Variants in NKAIN2 observed in about 807,000 individuals in gnomAD.
The protein encoded by NKAIN2 is sodium/potassium-transporting ATPase subunit beta-1-interacting protein 2.
In NKAIN2, 14 loss-of-function variants were observed where a neutral mutation model predicts 32.6. That is an observed-to-expected ratio of 0.43 (90% confidence interval 0.28 to 0.67). The LOEUF (loss-of-function observed/expected upper bound fraction) is 0.67, where lower values mean the gene tolerates loss of function less well. NKAIN2 is among the 30% of genes least tolerant of loss of function. The pLI, the probability that NKAIN2 is intolerant of heterozygous loss-of-function variation, is 0.17. For synonymous variants in NKAIN2, 80 were observed against 87.2 expected (o/e 0.92, Z 0.46); for missense variants, 198 against 258.3 (o/e 0.77, Z 1.60).
chr6:124,774,864 A>G (rs1023116182), intron 4 of NKAIN2, among the ~76,000 whole-genome samples: 1 of 151,784 alleles, frequency 6.6e-6, no homozygotes, highest in African/African-American at 2.4e-5. Flanking sequence ...CTCAAAAAAA[A>G]AAAAAAAAAA....
intron 3 of NKAIN2, among the ~76,000 whole-genome samples, chr6:124,489,844 G>A (rs1777792941): frequency 6.6e-6 from 1 of 151,732 alleles, no homozygotes; most frequent in South Asian, 2.1e-4. Flanking sequence ...ATATAATTGT[G>A]ATTACTCTAA....
At chr6:123,967,545 C>T (rs1778141009) in intron 1 of NKAIN2, among the ~76,000 whole-genome samples, 1 of 152,102 alleles carries the variant, frequency 6.6e-6, no homozygotes, top group Non-Finnish European at 1.5e-5. Flanking sequence ...TCATATTTCC[C>T]ATACACTGGG....
At chr6:124,737,392 C>T (rs1464799564) in intron 4 of NKAIN2, among the ~76,000 whole-genome samples, 1 of 151,932 alleles carries the variant, frequency 6.6e-6, no homozygotes, top group Admixed American at 6.6e-5. Context: ...GTTTGCTTCC[C>T]CATCTGCCAT....
intron 1 of NKAIN2, among the ~76,000 whole-genome samples, chr6:124,265,440 G>T (rs1336894235): frequency 1.3e-5 from 2 of 152,086 alleles, no homozygotes; most frequent in East Asian, 1.9e-4. Context: ...ACATACCATT[G>T]TTGTAAAATA....
chr6:124,139,193 A>G (rs983745604), intron 1 of NKAIN2, among the ~76,000 whole-genome samples: 1 of 137,638 alleles, frequency 7.3e-6, no homozygotes, highest in African/African-American at 2.8e-5. Context: ...GGTTCACGCC[A>G]TTCTCCTGCC....
intron 3 of NKAIN2, among the ~76,000 whole-genome samples, chr6:124,423,212 A>T (rs1043884976): frequency 1.3e-5 from 2 of 152,198 alleles, no homozygotes; most frequent in Non-Finnish European, 2.9e-5. Flanking sequence ...ATTGAGTGTC[A>T]TATGAACTAT....
In NKAIN2 at chr6:124,437,555, G is replaced by A. The variant is rs115677585; in HGVS notation, c.273+82208G>A. 4.9e-3 allele frequency among the ~76,000 whole-genome samples: 735 copies of A among 150,714 alleles called. 5 individuals carry two copies. Among genetic ancestry groups the A allele is most frequent in the African/African-American group, 0.017 (696 of 40,972 alleles). On this transcript the variant is annotated intron_variant, in intron 3 of 6. Coordinates refer to ENST00000368417, the MANE Select transcript of NKAIN2 (RefSeq NM_001040214.3). ...TTTCTCTCCTGCTTCTCTTTCTTCT[G>A]TCTCTGTCTTTTCTACCTATCTCAT...
chr6:124,599,019 A>ATTTTT (rs34952742), intron 3 of NKAIN2, among the ~76,000 whole-genome samples: 9 of 141,928 alleles, frequency 6.3e-5, no homozygotes, highest in African/African-American at 1.8e-4. Context: ...ACACAAATCT[A>ATTTTT]TTTTTTTTTT....
chr6:124,135,871 C>T (rs1786756372), intron 1 of NKAIN2, among the ~76,000 whole-genome samples: 2 of 152,034 alleles, frequency 1.3e-5, no homozygotes, highest in Admixed American at 6.6e-5. Flanking sequence ...CTCTGGGATA[C>T]AGCAAAAACG....
chr6:124,797,132 C>A (rs566149379), intron 5 of NKAIN2, among the ~76,000 whole-genome samples: 3 of 142,014 alleles, frequency 2.1e-5, no homozygotes, highest in South Asian at 2.2e-4. Flanking sequence ...TAAAAGGAAG[C>A]CATGCAGCCA....
chr6:123,810,717 T>C (rs1773425223), intron 1 of NKAIN2, among the ~76,000 whole-genome samples: 1 of 152,188 alleles, frequency 6.6e-6, no homozygotes, highest in Non-Finnish European at 1.5e-5. Context: ...GTATTGTTAT[T>C]TGCCTGTTTT....
At chr6:124,157,282 C>A (rs1233027468) in intron 1 of NKAIN2, among the ~76,000 whole-genome samples, 1 of 151,526 alleles carries the variant, frequency 6.6e-6, no homozygotes, top group Non-Finnish European at 1.5e-5. Context: ...CACACACACA[C>A]ACACACAGCA....
intron 4 of NKAIN2, among the ~76,000 whole-genome samples, chr6:124,787,996 A>T (rs11759815): frequency 0.18 from 27,174 of 151,986 alleles, 3,172 homozygotes; most frequent in African/African-American, 0.33. Flanking sequence ...GAGAGGATTA[A>T]TGGGCTAACA....
chr6:124,043,729 C>G (rs1324867601), intron 1 of NKAIN2, among the ~76,000 whole-genome samples: 2 of 152,028 alleles, frequency 1.3e-5, no homozygotes, highest in Admixed American at 1.3e-4. Flanking sequence ...AGCAGATTGT[C>G]TTACATTCCT....
chr6:124,797,459 T>C (rs1780053346), intron 5 of NKAIN2, among the ~76,000 whole-genome samples: 1 of 152,188 alleles, frequency 6.6e-6, no homozygotes, highest in African/African-American at 2.4e-5. Context: ...AAAAATGAAT[T>C]CAAGATGCTT....
intron 3 of NKAIN2, among the ~76,000 whole-genome samples, chr6:124,565,082 T>C (rs1780856996): frequency 6.6e-6 from 1 of 152,162 alleles, no homozygotes; most frequent in African/African-American, 2.4e-5. Flanking sequence ...TTGTCTGGGA[T>C]TGGGGAGGTG....
intron 6 of NKAIN2, among the ~76,000 whole-genome samples, chr6:124,819,623 T>C (rs766836594): frequency 3.3e-5 from 5 of 152,168 alleles, no homozygotes; most frequent in African/African-American, 9.6e-5. Context: ...AGAACCTCCA[T>C]TGTATCCTCC....
At chr6:124,206,620 A>G (rs901531629) in intron 1 of NKAIN2, among the ~76,000 whole-genome samples, 1 of 151,914 alleles carries the variant, frequency 6.6e-6, no homozygotes, top group Non-Finnish European at 1.5e-5. Context: ...CATCCACAGT[A>G]TCAGAATATT....
chr6:124,557,992 A>G (rs906436585), intron 3 of NKAIN2, among the ~76,000 whole-genome samples: 1 of 152,252 alleles, frequency 6.6e-6, no homozygotes, highest in Non-Finnish European at 1.5e-5. Flanking sequence ...CATGTATTAC[A>G]TGATATACAA....
Sources: allele counts gnomAD v4.1 joint callset (sites outside exome capture counted in the v4.1 genomes callset), GRCh38; gene constraint gnomAD v4.1.1; transcripts MANE v1.5; gene names NCBI Gene and HGNC (gene_info 2026-07-23, HGNC 2026-07-21).